Variants in DLGAP1 observed in about 807,000 individuals in gnomAD.
The protein encoded by DLGAP1 is DLG associated protein 1, also known as disks large-associated protein 1.
DLGAP1 carries 11 observed loss-of-function variants against 90.8 expected under a neutral mutation model. The observed-to-expected ratio is 0.12, with a 90% CI of 0.08 to 0.20. DLGAP1 has a LOEUF of 0.20. Ranked by LOEUF, DLGAP1 falls within the 10% of genes least tolerant of loss-of-function variation. DLGAP1 has a pLI of 1.00. For missense variants in DLGAP1, 1,050 were observed against 1,333.8 expected, an observed-to-expected ratio of 0.79 and a Z score of 3.31; for synonymous variants, 558 against 540.7, an observed-to-expected ratio of 1.03 and a Z score of -0.44.
intron 5 of DLGAP1, among the ~76,000 whole-genome samples, chr18:3,788,350 G>C (rs1216200839): frequency 1.3e-5 from 2 of 152,160 alleles, no homozygotes; most frequent in Non-Finnish European, 2.9e-5. Flanking sequence ...GAATAAGCTA[G>C]ATGTTTTTGC....
intron 1 of DLGAP1, among the ~76,000 whole-genome samples, chr18:4,184,384 C>T (rs1460844733): frequency 6.6e-6 from 1 of 152,074 alleles, no homozygotes; most frequent in African/African-American, 2.4e-5. Flanking sequence ...TAGGTCTTTC[C>T]TGGCTAATGC....
chr18:4,193,113 G>C (rs555093322), intron 1 of DLGAP1, among the ~76,000 whole-genome samples: 7 of 152,300 alleles, frequency 4.6e-5, no homozygotes, highest in African/African-American at 1.7e-4. Context: ...CTAGAATTCA[G>C]TGTTATCAAG....
At chr18:3,856,356 G>T (rs927593999) in intron 4 of DLGAP1, among the ~76,000 whole-genome samples, 4 of 152,148 alleles carry the variant, frequency 2.6e-5, no homozygotes, top group African/African-American at 9.6e-5. Flanking sequence ...TTAGAAAATG[G>T]CCAGTCAAAA....
chr18:3,801,276 A>G (rs1385966284), intron 5 of DLGAP1, among the ~76,000 whole-genome samples: 1 of 152,264 alleles, frequency 6.6e-6, no homozygotes, highest in East Asian at 1.9e-4. Flanking sequence ...CACCCAAACT[A>G]TACCACCTGT....
chr18:4,004,791 G>T (rs982767500), intron 3 of DLGAP1, among the ~76,000 whole-genome samples: 14 of 152,198 alleles, frequency 9.2e-5, no homozygotes, highest in Middle Eastern at 3.4e-3. Context: ...ATAGAATAGA[G>T]CATTGATTTC....
chr18:4,310,322 A>G (rs73942775), intron 1 of DLGAP1, among the ~76,000 whole-genome samples: 1 of 152,128 alleles, frequency 6.6e-6, no homozygotes, highest in Non-Finnish European at 1.5e-5. Flanking sequence ...GCATATGTGC[A>G]TATGCTCAAC....
intron 2 of DLGAP1, among the ~76,000 whole-genome samples, chr18:4,083,725 T>A (rs1458012297): frequency 1.3e-5 from 2 of 152,052 alleles, no homozygotes; most frequent in African/African-American, 4.8e-5. Context: ...GCCCTAGAGT[T>A]AAAATTCCTA....
intron 1 of DLGAP1, among the ~76,000 whole-genome samples, chr18:4,406,781 T>A (rs921390676): frequency 2.0e-5 from 3 of 152,200 alleles, no homozygotes; most frequent in Non-Finnish European, 4.4e-5. Context: ...GAGGGACTAA[T>A]TGATCTTGAA....
intron 6 of DLGAP1, among the ~76,000 whole-genome samples, chr18:3,731,461 A>G (rs969264964): frequency 6.6e-6 from 1 of 152,022 alleles, no homozygotes; most frequent in East Asian, 1.9e-4. Flanking sequence ...TTGCTCTGTC[A>G]CCCAGGGTGG....
In DLGAP1 at chr18:3,980,122, C is replaced by T. The variant is rs565272962; in HGVS notation, c.-73+24994G>A. 5.9e-5 allele frequency among the ~76,000 whole-genome samples: 9 copies of T among 151,542 alleles called. No homozygotes were observed. The East Asian group carries it at 9.7e-4, about 16-fold the overall frequency. On this transcript the variant is annotated intron_variant, in intron 3 of 12. Transcript: ENST00000315677. ...TTGCGCTCCAGCCTGAGTGACAAAG[C>T]GAGACTTCATCTCAAAAAATAAATA...
chr18:3,640,360 C>G (rs2058893804), intron 7 of DLGAP1, among the ~76,000 whole-genome samples: 1 of 152,190 alleles, frequency 6.6e-6, no homozygotes, highest in South Asian at 2.1e-4. Flanking sequence ...AGAATTGTTT[C>G]CAACATGCAA....
intron 1 of DLGAP1, among the ~76,000 whole-genome samples, chr18:4,333,392 T>A (rs1047682288): frequency 6.6e-6 from 1 of 151,794 alleles, no homozygotes; most frequent in African/African-American, 2.4e-5. Flanking sequence ...ACAAGTGCTT[T>A]TCACGATTCT....
At position 4,053,485 on chromosome 18, in the gene DLGAP1, G is replaced by T. The variant is rs557445400; in HGVS notation, c.-158-48284C>A. The stretch of plus-strand genomic sequence containing the variant: ...GAAGATTATGGGAACTGCAATTCAA[G>T]AGAAGATTTGGGTGGGGACACAGCC... On this transcript the variant is annotated intron_variant, in intron 2 of 12. Coordinates refer to ENST00000315677, the MANE Select transcript of DLGAP1 (RefSeq NM_004746.4). Among the ~76,000 whole-genome samples the T allele has an allele frequency of 5.3e-5, 8 of 152,162 alleles. No homozygotes were observed. In the South Asian group the frequency reaches 1.7e-3, roughly 32 times the overall value.
intron 4 of DLGAP1, among the ~76,000 whole-genome samples, chr18:3,850,001 C>T (rs924012225): frequency 1.3e-5 from 2 of 152,102 alleles, no homozygotes; most frequent in Non-Finnish European, 2.9e-5. Context: ...TGGCCAATAA[C>T]ACTGTGATGC....
chr18:3,974,647 CTTATTA>C (rs1170468571), intron 3 of DLGAP1, among the ~76,000 whole-genome samples: 2 of 152,046 alleles, frequency 1.3e-5, no homozygotes, highest in East Asian at 3.9e-4. Flanking sequence ...ACATAAAGAA[CTTATTA>C]TTAATCAGGT....
At chr18:4,095,623 A>G (rs2075664631) in intron 2 of DLGAP1, among the ~76,000 whole-genome samples, 1 of 152,096 alleles carries the variant, frequency 6.6e-6, no homozygotes, top group African/African-American at 2.4e-5. Flanking sequence ...GCCCCAAGTC[A>G]GGGCCAGAAA....
intron 1 of DLGAP1, among the ~76,000 whole-genome samples, chr18:4,252,206 T>C (rs1163305342): frequency 6.6e-6 from 1 of 152,204 alleles, no homozygotes; most frequent in Admixed American, 6.5e-5. Flanking sequence ...AGAGTTTTAT[T>C]CTACTGTGAC....
At chr18:4,201,455 T>G (rs533480528) in intron 1 of DLGAP1, among the ~76,000 whole-genome samples, 1 of 152,230 alleles carries the variant, frequency 6.6e-6, no homozygotes, top group African/African-American at 2.4e-5. Flanking sequence ...TATTTCTGGG[T>G]TCTCTATTCT....
chr18:4,447,040 A>T (rs1431700945), intron 1 of DLGAP1, among the ~76,000 whole-genome samples: 1 of 152,236 alleles, frequency 6.6e-6, no homozygotes, highest in Non-Finnish European at 1.5e-5. Context: ...GTTGACAAGG[A>T]TATAAAACAA....
Sources: gnomAD v4.1 joint callset for allele counts (sites outside exome capture counted in the v4.1 genomes callset) on GRCh38, gnomAD v4.1.1 for gene constraint, MANE v1.5 for transcripts, NCBI Gene and HGNC (gene_info 2026-07-23, HGNC 2026-07-21) for gene names.